Variants in MRPL44 observed in about 807,000 individuals in gnomAD.
The protein encoded by MRPL44 is large ribosomal subunit protein mL44.
MRPL44 carries 21 observed loss-of-function variants against 25.9 expected under a neutral mutation model. The observed-to-expected ratio is 0.81, with a 90% CI of 0.58 to 1.17. The LOEUF (loss-of-function observed/expected upper bound fraction) is 1.17. Among genes scored for constraint, MRPL44 ranks in the 50% most tolerant of loss-of-function variants. The pLI is 0.00. For synonymous variants in MRPL44, 169 were observed against 151.0 expected (o/e 1.12, Z -0.87); for missense variants, 410 against 398.9 (o/e 1.03, Z -0.24).
At chr2:223,958,739 AT>A (rs1689610258) in intron 1 of MRPL44, among the ~76,000 whole-genome samples, 1 of 152,206 alleles carries the variant, frequency 6.6e-6, no homozygotes, top group Non-Finnish European at 1.5e-5. Context: ...GGTATACCTC[AT>A]ACATATTGTA....
chr2:223,959,593 A>G lies in MRPL44; in HGVS notation c.239A>G (p.Gln80Arg), dbSNP rs895121558. 2 of 1,614,082 alleles carry G rather than the reference A, an allele frequency of 1.2e-6. No individual in the cohort carries two copies. The highest frequency in any genetic ancestry group is 2.2e-5 in the East Asian group (1 of 44,884). Residue 80 changes from glutamine (Q) to arginine (R), a missense_variant, in exon 2 of 4, where the codon CAG becomes CGG. Coordinates refer to ENST00000258383, the MANE Select transcript of MRPL44 (RefSeq NM_022915.5). ...AEIQAFGHRLQENFSLDLLKT... is the reference protein window; with the variant it reads ...AEIQAFGHRLRENFSLDLLKT... ...ATACAAGCTTTTGGACATCGGTTAC[A>G]GGAAAACTTTTCCTTAGATCTTCTC...
chr2:223,951,487 T>TGTTTTG, the MRPL44 span, among the ~76,000 whole-genome samples: 19 of 139,512 alleles, frequency 1.4e-4, no homozygotes, highest in Non-Finnish European at 1.6e-4. Flanking sequence ...AGTTTTTTTT[T>TGTTTTG]TTTTTTTTTT....
In MRPL44 at chr2:223,967,092, T is replaced by G; in HGVS notation, c.*58T>G. 4 of 1,467,624 alleles carry G rather than the reference T, an allele frequency of 2.7e-6. No homozygotes were observed. The highest frequency in any genetic ancestry group is 2.8e-6 in the Non-Finnish European group (3 of 1,088,926). The allele number at this position is 1,467,624 out of a possible 1,614,324, so 90.9% of individuals were successfully genotyped here. A position where few individuals can be genotyped will look rare whatever the true frequency, so the allele number is the denominator to read the frequency against. On this transcript the variant is annotated 3_prime_UTR_variant, in exon 4 of 4. Transcript: ENST00000258383. The stretch of plus-strand genomic sequence containing the variant: ...GCGAAAGTGAGATAAATGTCAAAGG[T>G]GTTTCAAGCCAGACATTTTCACAAT...
chr2:223,951,478 G>GTTTTTTTTTTTTTTTT, the MRPL44 span, among the ~76,000 whole-genome samples: 2 of 112,558 alleles, frequency 1.8e-5, no homozygotes, highest in African/African-American at 6.8e-5. Context: ...TTACCTTGGA[G>GTTTTTTTTTTTTTTTT]TTTTTTTTTT....
At chr2:223,963,531 A>G (rs931410315) in intron 2 of MRPL44, among the ~76,000 whole-genome samples, 1 of 152,164 alleles carries the variant, frequency 6.6e-6, no homozygotes, top group South Asian at 2.1e-4. Flanking sequence ...CGGGCTTGCA[A>G]ATTTTTTTAA....
upstream of MRPL44, among the ~76,000 whole-genome samples, chr2:223,953,950 G>C (rs1689529182): frequency 6.6e-6 from 1 of 152,030 alleles, no homozygotes; most frequent in African/African-American, 2.4e-5. Context: ...TCCTTTTCCT[G>C]TAATAGGTAT....
chr2:223,966,167 C>T (rs552340795), intron 3 of MRPL44, among the ~76,000 whole-genome samples: 4 of 150,762 alleles, frequency 2.7e-5, no homozygotes, highest in African/African-American at 7.3e-5. Context: ...ACCCAGGAGG[C>T]GGAGCCTGCA....
rs60374211 is a variant in MRPL44, at chr2:223,957,977, C to A, written c.179+326C>A. On this transcript the variant is annotated intron_variant, in intron 1 of 3. Coordinates refer to ENST00000258383, the MANE Select transcript of MRPL44 (RefSeq NM_022915.5). ...TCCCCGTTTGTAATGCCTGAGAATT[C>A]CGATAAGCGGGAAGAAAGCAGCCCA... 9.0e-3 allele frequency among the ~76,000 whole-genome samples: 1,370 copies of A among 152,118 alleles called. 21 individuals are homozygous for A. Among genetic ancestry groups the A allele is most frequent in the African/African-American group, 0.031 (1,274 of 41,476 alleles).
chr2:223,956,681 G>T (rs1176071336), upstream of MRPL44, among the ~76,000 whole-genome samples: 1 of 152,242 alleles, frequency 6.6e-6, no homozygotes, highest in Admixed American at 6.5e-5. Flanking sequence ...AGAAAGCATT[G>T]CCCCTTTGAG....
intron 2 of MRPL44, 34 bp downstream of exon 2, chr2:223,960,036 G>C: frequency 6.8e-7 from 1 of 1,463,052 alleles, no homozygotes; most frequent in Admixed American, 2.1e-5. Context: ...GCTTGAGATA[G>C]ACAGAAGGGA....
chr2:223,962,483 C>G (rs1689678622), intron 2 of MRPL44, among the ~76,000 whole-genome samples: 1 of 152,084 alleles, frequency 6.6e-6, no homozygotes, highest in African/African-American at 2.4e-5. Flanking sequence ...TATCATATTA[C>G]TAATGTTTGT....
chr2:223,964,229 C>G (rs1689710644), intron 3 of MRPL44, among the ~76,000 whole-genome samples: 1 of 152,144 alleles, frequency 6.6e-6, no homozygotes, highest in Admixed American at 6.5e-5. Flanking sequence ...TTAAATTTTT[C>G]TGTGTAGAAG....
At chr2:223,957,438 C>G (rs1352914685), upstream of MRPL44, 1 of 1,613,728 alleles carries the variant, frequency 6.2e-7, no homozygotes, top group Non-Finnish European at 8.5e-7. Context: ...GGCCCGACTA[C>G]TTTCGTTCCG....
At chr2:223,957,375 T>G, upstream of MRPL44, 2 of 1,502,950 alleles carry the variant, frequency 1.3e-6, no homozygotes, top group Non-Finnish European at 1.8e-6. Context: ...GCCCCAGCCT[T>G]CTCTTCGCGT....
chr2:223,955,501 T>C (rs3806490), upstream of MRPL44, among the ~76,000 whole-genome samples: 47,075 of 152,148 alleles, frequency 0.31, 8,595 homozygotes, highest in Non-Finnish European at 0.41. Flanking sequence ...AACTTTGTTA[T>C]CCATCTTTCT....
upstream of MRPL44, among the ~76,000 whole-genome samples, chr2:223,956,029 T>G (rs191148257): frequency 6.4e-4 from 98 of 152,328 alleles, no homozygotes; most frequent in African/African-American, 2.2e-3. Flanking sequence ...TCATTTTAAC[T>G]TAACATGATT....
At chr2:223,962,854 A>C (rs531978855) in intron 2 of MRPL44, among the ~76,000 whole-genome samples, 1 of 152,132 alleles carries the variant, frequency 6.6e-6, no homozygotes, top group African/African-American at 2.4e-5. Flanking sequence ...GGCGTGCAGC[A>C]TCACGCCTGG....
chr2:223,957,272 C>T (rs1156763036), upstream of MRPL44: 1 of 627,150 alleles, frequency 1.6e-6, no homozygotes, highest in Admixed American at 2.9e-5. Flanking sequence ...AGAACTAGCG[C>T]AAGCGTAGCC....
chr2:223,967,231 A>C lies in MRPL44; in HGVS notation c.*197A>C, dbSNP rs1689756210. The stretch of plus-strand genomic sequence containing the variant: ...TTTTTCTGAAATCTTGGTTTGATCA[A>C]ATCTTTTTTTTTTTCTCTTGAGATG... On this transcript the variant is annotated 3_prime_UTR_variant, in exon 4 of 4. Transcript: ENST00000258383. 1.4e-5 allele frequency: 8 copies of C among 580,604 alleles called. No homozygotes were observed. In the South Asian group the frequency reaches 2.3e-4, roughly 17 times the overall value. The allele number at this position is 580,604 out of a possible 1,614,324, so 36.0% of individuals were successfully genotyped here.
Sources: allele counts gnomAD v4.1 joint callset (sites outside exome capture counted in the v4.1 genomes callset), GRCh38; gene constraint gnomAD v4.1.1; transcripts MANE v1.5; gene names NCBI Gene and HGNC (gene_info 2026-07-23, HGNC 2026-07-21).